FUT8: variants seen among roughly 807,000 people sequenced by gnomAD.
The protein encoded by FUT8 is fucosyltransferase 8, also known as alpha-(1,6)-fucosyltransferase.
A neutral mutation model predicts 71.3 loss-of-function variants in FUT8; 29 were observed. The observed-to-expected ratio is 0.41, with a 90% CI of 0.30 to 0.55. The LOEUF is 0.55. Among genes scored for constraint, FUT8 ranks in the 20% least tolerant of loss-of-function variants. The probability of loss-of-function intolerance (pLI) is 0.34; values close to 1 mark genes in which losing one functional copy is unlikely to be tolerated. For synonymous variants in FUT8, 254 were observed against 239.3 expected, an observed-to-expected ratio of 1.06 and a Z score of -0.57; for missense variants, 544 against 702.1, an observed-to-expected ratio of 0.77 and a Z score of 2.55.
chr14:65,590,076 G>T (rs1259880074), intron 3 of FUT8, among the ~76,000 whole-genome samples: 1 of 152,108 alleles, frequency 6.6e-6, no homozygotes, highest in Admixed American at 6.6e-5. Context: ...ACATACCAAT[G>T]GGTAACACCA....
chr14:65,431,410 G>A (rs2065472841), intron 1 of FUT8, among the ~76,000 whole-genome samples: 1 of 147,838 alleles, frequency 6.8e-6, no homozygotes, highest in Admixed American at 6.8e-5. Context: ...CCTGGGCTCA[G>A]GTGATCCTCC....
chr14:65,369,146 C>T, the FUT8 span, among the ~76,000 whole-genome samples: 2 of 152,144 alleles, frequency 1.3e-5, no homozygotes, highest in African/African-American at 4.8e-5. This position sits in a 1 kb window ranked among gnomAD's most constrained non-coding sequence, Gnocchi z 4.6. Context: ...TGCCTAATAA[C>T]CACATGCGGC....
At position 65,690,755 on chromosome 14, in the gene FUT8, C is replaced by T. The variant is rs570334365; in HGVS notation, c.835+21275C>T. Among the ~76,000 whole-genome samples the T allele has an allele frequency of 2.1e-3, 315 of 149,664 alleles. 1 individual carries two copies. The highest frequency in any genetic ancestry group is 3.4e-3 in the Middle Eastern group (1 of 290). ...TTTTTTTTTTTTGAAACAAGAGTCT[C>T]GCTCTGTCACCCAGGCTGGAGTGTA... On this transcript the variant is annotated intron_variant, in intron 7 of 10. Coordinates refer to ENST00000673929, the MANE Select transcript of FUT8 (RefSeq NM_001371533.1).
At chr14:65,692,164 C>G (rs1221181768) in intron 7 of FUT8, among the ~76,000 whole-genome samples, 1 of 151,966 alleles carries the variant, frequency 6.6e-6, no homozygotes, top group Non-Finnish European at 1.5e-5. Context: ...CTCCTCACTT[C>G]CCAGTAGGGG....
At chr14:65,439,954 G>GTAAATATATA (rs1378430231) in intron 1 of FUT8, among the ~76,000 whole-genome samples, 2 of 74,984 alleles carry the variant, frequency 2.7e-5, no homozygotes, top group African/African-American at 1.0e-4. Context: ...GTGTGTGTGT[G>GTAAATATATA]TATATATATA....
At chr14:65,407,434 G>A (rs78994054), upstream of FUT8, among the ~76,000 whole-genome samples, 873 of 152,142 alleles carry the variant, frequency 5.7e-3, 34 homozygotes, top group East Asian at 0.092. Context: ...GCAAGAGTAT[G>A]ATCTATTACA....
At chr14:65,732,260 T>G (rs1277674208) in intron 9 of FUT8, among the ~76,000 whole-genome samples, 1 of 152,156 alleles carries the variant, frequency 6.6e-6, no homozygotes, top group Non-Finnish European at 1.5e-5. Context: ...TTGGTGGCCA[T>G]GAAATGAAGA....
In FUT8 at chr14:65,452,044, C is replaced by T. The variant is rs542247267; in HGVS notation, c.-325-3577C>T. Among the ~76,000 whole-genome samples the T allele has an allele frequency of 6.6e-5, 10 of 152,300 alleles. No homozygotes were observed. In the South Asian group the frequency reaches 2.1e-3, roughly 32 times the overall value. On this transcript the variant is annotated intron_variant, in intron 1 of 10. Coordinates refer to ENST00000673929, the MANE Select transcript of FUT8 (RefSeq NM_001371533.1). ...CCTAGAATTTCTCTGTCCCCCGTTC[C>T]TGTCAATAATATGCATTTCTTAAAT...
chr14:65,439,617 C>T (rs1221732465), intron 1 of FUT8, among the ~76,000 whole-genome samples: 1 of 151,996 alleles, frequency 6.6e-6, no homozygotes, highest in Non-Finnish European at 1.5e-5. Context: ...CATACTGTCT[C>T]AGTTATTCAA....
chr14:65,434,112 A>G (rs2065518888), intron 1 of FUT8, among the ~76,000 whole-genome samples: 1 of 152,222 alleles, frequency 6.6e-6, no homozygotes, highest in Non-Finnish European at 1.5e-5. Context: ...GAAGCCAAAT[A>G]TTTTGTGATT....
Position 65,650,707 on chromosome 14 carries a change from C to CAAAAAAAA in FUT8, c.598-18521_598-18514dup, listed in dbSNP as rs57971519. Among the ~76,000 whole-genome samples, 289 of 118,846 alleles carry CAAAAAAAA rather than the reference C, an allele frequency of 2.4e-3. 3 individuals are homozygous for CAAAAAAAA. The highest frequency in any genetic ancestry group is 4.7e-3 in the African/African-American group (139 of 29,462). 78.0% of individuals were successfully genotyped at this position (118,846 alleles called of 152,430 possible). On this transcript the variant is annotated intron_variant, in intron 6 of 10. Coordinates refer to ENST00000673929, the MANE Select transcript of FUT8 (RefSeq NM_001371533.1). ...AGATCACTGTAATTCCTGCTAATTACAAAAAAAAAAAAAAAAAAAAAACAA... is the reference window on the plus strand; with the variant it reads ...AGATCACTGTAATTCCTGCTAATTACAAAAAAAAAAAAAAAAAAAAAAAAAAAAAACAA...
At chr14:65,565,968 AAAAC>A (rs1157717479) in intron 3 of FUT8, among the ~76,000 whole-genome samples, 1 of 151,882 alleles carries the variant, frequency 6.6e-6, no homozygotes, top group East Asian at 1.9e-4. Flanking sequence ...AATATAATAA[AAAAC>A]AAAAACATGG....
the FUT8 span, among the ~76,000 whole-genome samples, chr14:65,389,588 C>T: frequency 4.6e-5 from 7 of 152,010 alleles, no homozygotes; most frequent in Non-Finnish European, 8.8e-5. Flanking sequence ...GCTAGGATGA[C>T]AGGCTTGAGC....
chr14:65,546,915 A>G (rs1472487204), intron 2 of FUT8, among the ~76,000 whole-genome samples: 1 of 151,720 alleles, frequency 6.6e-6, no homozygotes, highest in African/African-American at 2.4e-5. Flanking sequence ...TTTTTAAGTC[A>G]TTAGGCTATT....
chr14:65,427,939 C>G (rs2065414714), intron 1 of FUT8, among the ~76,000 whole-genome samples: 2 of 152,092 alleles, frequency 1.3e-5, no homozygotes. Context: ...ATAGTGTAGT[C>G]TTTTGTGTAC....
chr14:65,470,098 C>T (rs1205271637), intron 2 of FUT8, among the ~76,000 whole-genome samples: 1 of 152,244 alleles, frequency 6.6e-6, no homozygotes, highest in East Asian at 1.9e-4. Flanking sequence ...CTCTCCACCT[C>T]AGCTTCCTCA....
Position 65,576,100 on chromosome 14 carries a change from G to A in FUT8, c.203+14334G>A, listed in dbSNP as rs78556946. On this transcript the variant is annotated intron_variant, in intron 3 of 10. Coordinates refer to ENST00000673929, the MANE Select transcript of FUT8 (RefSeq NM_001371533.1). ...TATAATAGCTCACTTGCTGTGAATA[G>A]TTGTCTGCTTTTTTTGGTTTGCTTA... is the stretch of plus-strand genomic sequence containing the variant. 4.9e-3 allele frequency among the ~76,000 whole-genome samples: 747 copies of A among 152,274 alleles called. 12 individuals carry two copies. Among genetic ancestry groups the A allele is most frequent in the African/African-American group, 0.017 (710 of 41,534 alleles).
At chr14:65,699,199 C>CGCCCAT (rs1894160994) in intron 7 of FUT8, among the ~76,000 whole-genome samples, 1 of 140,868 alleles carries the variant, frequency 7.1e-6, no homozygotes, top group Admixed American at 7.2e-5. Context: ...CACACACACA[C>CGCCCAT]GCCCATGCAG....
rs1889282364 is a variant in FUT8 at position 65,616,283 on chromosome 14, A to G, written c.392A>G (p.Gln131Arg). 1 of 1,612,668 alleles carries G rather than the reference A, an allele frequency of 6.2e-7. No individual in the cohort carries two copies. Among genetic ancestry groups the G allele is most frequent in the Non-Finnish European group, 8.5e-7 (1 of 1,179,442 alleles). ...NGAKELWFFL[Q>R]SELKKLKNLE... ...GCTAAAGAGCTCTGGTTTTTCCTAC[A>G]GAGTGAATTGAAGAAATTAAAGAAC... The change falls in exon 5 of 11, where the codon CAG becomes CGG. Residue 131 changes from glutamine (Q) to arginine (R), a missense_variant. By Grantham distance (43) the Gln-to-Arg change is conservative. Coordinates refer to ENST00000673929, the MANE Select transcript of FUT8 (RefSeq NM_001371533.1).
Sources: gnomAD v4.1 joint callset for allele counts (sites outside exome capture counted in the v4.1 genomes callset) on GRCh38, gnomAD v4.1.1 for gene constraint, Gnocchi (gnomAD v3.1) non-coding constraint, MANE v1.5 for transcripts, NCBI Gene and HGNC (gene_info 2026-07-23, HGNC 2026-07-21) for gene names.